Variants in VPS54 observed in about 807,000 individuals in gnomAD.
The protein encoded by VPS54 is vacuolar protein sorting-associated protein 54.
VPS54 carries 45 observed loss-of-function variants against 121.5 expected under a neutral mutation model. That is an observed-to-expected ratio of 0.37 (90% CI 0.29 to 0.47). The LOEUF (loss-of-function observed/expected upper bound fraction) is 0.47, where lower values mean the gene tolerates loss of function less well. Among genes scored for constraint, VPS54 ranks in the 20% least tolerant of loss-of-function variants. The pLI, the probability that VPS54 is intolerant of heterozygous loss-of-function variation, is 0.99. For missense variants in VPS54, 1,090 were observed against 1,131.4 expected, an observed-to-expected ratio of 0.96 and a Z score of 0.52; for synonymous variants, 371 against 385.8, an observed-to-expected ratio of 0.96 and a Z score of 0.45.
chr2:63,914,157 C>T (rs776908791), intron 17 of VPS54, 25 bp downstream of exon 17: 42 of 1,580,188 alleles, frequency 2.7e-5, no homozygotes, highest in Non-Finnish European at 3.6e-5. Context: ...AAAATTTTTC[C>T]ATAATGGAGT....
intron 1 of VPS54, among the ~76,000 whole-genome samples, chr2:64,005,155 T>C (rs1048493107): frequency 1.7e-5 from 2 of 120,860 alleles, no homozygotes; most frequent in Non-Finnish European, 3.3e-5. Context: ...CCAGGCCAGA[T>C]TGCAGTGGCA....
At chr2:63,907,344 C>A (rs904685321) in intron 20 of VPS54, among the ~76,000 whole-genome samples, 1 of 151,748 alleles carries the variant, frequency 6.6e-6, no homozygotes, top group Admixed American at 6.6e-5. Context: ...CATGGAGAAA[C>A]CTCGTCTCTA....
chr2:63,908,569 G>C (rs191997197), intron 20 of VPS54, among the ~76,000 whole-genome samples: 81 of 152,242 alleles, frequency 5.3e-4, no homozygotes, highest in African/African-American at 1.8e-3. Context: ...AACCTGATAT[G>C]AATTGCTTAG....
At chr2:63,943,970 G>C (rs368636011) in intron 10 of VPS54, among the ~76,000 whole-genome samples, 8 of 151,112 alleles carry the variant, frequency 5.3e-5, no homozygotes, top group Admixed American at 3.3e-4. Flanking sequence ...GGGCTCAAGC[G>C]ATTCTCCCAC....
chr2:64,007,745 G>T (rs1356589580), intron 1 of VPS54, among the ~76,000 whole-genome samples: 2 of 152,172 alleles, frequency 1.3e-5, no homozygotes, highest in East Asian at 3.9e-4. Context: ...TCTGAAGAAG[G>T]GGTAGGGCAA....
intron 1 of VPS54, among the ~76,000 whole-genome samples, chr2:64,018,039 A>G (rs1013883411): frequency 3.3e-5 from 5 of 152,174 alleles, no homozygotes; most frequent in African/African-American, 1.2e-4. Flanking sequence ...GTGAATGTAC[A>G]TCAAAATCTG....
chr2:63,957,434 T>A (rs1358670618), intron 7 of VPS54, among the ~76,000 whole-genome samples: 1 of 115,424 alleles, frequency 8.7e-6, no homozygotes, highest in East Asian at 2.3e-4. Flanking sequence ...AGAGCAAGAC[T>A]CCATCTCAAA....
intron 1 of VPS54, among the ~76,000 whole-genome samples, chr2:63,995,064 C>CA (rs1203233303): frequency 1.3e-5 from 2 of 152,174 alleles, no homozygotes; most frequent in Non-Finnish European, 2.9e-5. Flanking sequence ...ATTCTGAGTC[C>CA]AGAACACCCA....
chr2:64,017,320 G>A (rs557939638), intron 1 of VPS54, among the ~76,000 whole-genome samples: 12 of 143,484 alleles, frequency 8.4e-5, no homozygotes, highest in African/African-American at 2.8e-4. Flanking sequence ...CTGGGCAACA[G>A]AGCAAGACCC....
In VPS54 at chr2:63,914,178, A is replaced by G; in HGVS notation, c.2334+4T>C. ...TTTCCATAATGGAGTGAAGTCATAC[A>G]TACCTTCAATAAATCTGACAGACGA... On this transcript the variant is annotated splice_donor_region_variant and intron_variant, in intron 17 of 22. Coordinates refer to ENST00000272322, the MANE Select transcript of VPS54 (RefSeq NM_016516.3). 6.2e-7 allele frequency: 1 copy of G among 1,610,558 alleles called. No individual in the cohort carries two copies. The highest frequency in any genetic ancestry group is 8.5e-7 in the Non-Finnish European group (1 of 1,177,372).
chr2:63,976,326 G>C (rs1347183359), intron 3 of VPS54, among the ~76,000 whole-genome samples: 1 of 149,660 alleles, frequency 6.7e-6, no homozygotes, highest in African/African-American at 2.5e-5. Flanking sequence ...ACTCCAGCCT[G>C]GGCAACAGAG....
At chr2:63,947,305 A>G in intron 9 of VPS54, 78 bp downstream of exon 9, 1 of 1,287,674 alleles carries the variant, frequency 7.8e-7, no homozygotes, top group African/African-American at 1.5e-5. Flanking sequence ...CACTATATAT[A>G]TTATTACTAG....
intron 3 of VPS54, chr2:63,975,627 C>T (rs1306045373): frequency 1.3e-5 from 2 of 152,342 alleles, no homozygotes; most frequent in Non-Finnish European, 2.9e-5. Context: ...ATGGCTTCTC[C>T]CTATGATATC....
At chr2:63,949,568 TG>T (rs1559015236) in intron 7 of VPS54, among the ~76,000 whole-genome samples, 1 of 152,284 alleles carries the variant, frequency 6.6e-6, no homozygotes, top group East Asian at 1.9e-4. Context: ...AGAGAAAATA[TG>T]GTACTAAGAA....
At chr2:63,985,558 A>T (rs1676551947) in intron 1 of VPS54, among the ~76,000 whole-genome samples, 1 of 152,188 alleles carries the variant, frequency 6.6e-6, no homozygotes, top group African/African-American at 2.4e-5. Context: ...TTAAACAGAA[A>T]GCCTACAATA....
At chr2:64,000,124 T>C (rs1036159068) in intron 1 of VPS54, among the ~76,000 whole-genome samples, 4 of 152,070 alleles carry the variant, frequency 2.6e-5, no homozygotes, top group Non-Finnish European at 5.9e-5. Context: ...CCTCCCAAAC[T>C]GATGGGATTA....
At chr2:63,966,764 T>C (rs962057125) in intron 5 of VPS54, among the ~76,000 whole-genome samples, 1 of 152,348 alleles carries the variant, frequency 6.6e-6, no homozygotes, top group Non-Finnish European at 1.5e-5. Flanking sequence ...CCTCTTTGTA[T>C]CTTGTCACTC....
intron 1 of VPS54, among the ~76,000 whole-genome samples, chr2:64,006,687 G>A (rs547080772): frequency 5.3e-4 from 81 of 152,114 alleles, no homozygotes; most frequent in African/African-American, 7.2e-4. Context: ...GTGCAATCGC[G>A]GCTTCACTGC....
At chr2:63,948,201 TA>T (rs1269852468) in intron 8 of VPS54, among the ~76,000 whole-genome samples, 9 of 152,140 alleles carry the variant, frequency 5.9e-5, no homozygotes, top group Non-Finnish European at 1.3e-4. Context: ...AGTCAACTGC[TA>T]ACATCTACAA....
Sources: gnomAD v4.1 joint callset for allele counts (sites outside exome capture counted in the v4.1 genomes callset) on GRCh38, gnomAD v4.1.1 for gene constraint, MANE v1.5 for transcripts, NCBI Gene and HGNC (gene_info 2026-07-23, HGNC 2026-07-21) for gene names.